NFIB: variants seen among roughly 807,000 people sequenced by gnomAD.
The protein encoded by NFIB is nuclear factor I B.
NFIB carries 11 observed loss-of-function variants against 61.5 expected under a neutral mutation model. That is an observed-to-expected ratio of 0.18 (90% CI 0.11 to 0.30). The LOEUF (loss-of-function observed/expected upper bound fraction) is 0.30. Ranked by LOEUF, NFIB falls within the 10% of genes least tolerant of loss-of-function variation. The pLI, the probability that NFIB is intolerant of heterozygous loss-of-function variation, is 1.00. For missense variants in NFIB, 471 were observed against 608.9 expected (o/e 0.77, Z 2.38); for synonymous variants, 260 against 216.5 (o/e 1.20, Z -1.76).
chr9:14,352,300 T>C (rs1052117448), intron 1 of NFIB, among the ~76,000 whole-genome samples: 6 of 151,824 alleles, frequency 4.0e-5, no homozygotes, highest in African/African-American at 1.5e-4. Context: ...ATAATAGATG[T>C]TATCATTATT....
At chr9:14,210,515 C>T (rs556754022) in intron 2 of NFIB, among the ~76,000 whole-genome samples, 20 of 151,834 alleles carry the variant, frequency 1.3e-4, no homozygotes, top group African/African-American at 2.9e-4. Flanking sequence ...GAAGAAAATA[C>T]GCTAAAATGT....
At chr9:14,246,778 A>G (rs1214034420) in intron 2 of NFIB, among the ~76,000 whole-genome samples, 1 of 152,216 alleles carries the variant, frequency 6.6e-6, no homozygotes, top group Non-Finnish European at 1.5e-5. Flanking sequence ...GAAAACCACT[A>G]ATATCACCCT....
At chr9:14,162,726 T>G (rs2044342683) in intron 3 of NFIB, among the ~76,000 whole-genome samples, 1 of 152,118 alleles carries the variant, frequency 6.6e-6, no homozygotes, top group Non-Finnish European at 1.5e-5. Flanking sequence ...CAGAGAAGAC[T>G]CTTAGATAAC....
At chr9:14,344,093 GGAGAGAGAGAGAGAAAGAGAGAGAGA>G (rs2060987573) in intron 1 of NFIB, among the ~76,000 whole-genome samples, 1 of 134,010 alleles carries the variant, frequency 7.5e-6, no homozygotes, top group African/African-American at 3.2e-5. Flanking sequence ...TTAAAGAGAG[GGAGAGAGAGAGAGAAAGAGAGAGAGA>G]GAGAGAGAGA....
the NFIB span, among the ~76,000 whole-genome samples, chr9:14,418,734 C>A: frequency 2.0e-5 from 3 of 152,122 alleles, no homozygotes; most frequent in Non-Finnish European, 2.9e-5. Context: ...CAATAAAATT[C>A]CCATATTACA....
rs779199624 is a variant in NFIB, at chr9:14,305,966, A to G, written c.562+1023T>C. The G allele has an allele frequency of 5.9e-6, 8 of 1,349,166 alleles. No individual in the cohort carries two copies. In the East Asian group the frequency reaches 2.1e-4, roughly 35 times the overall value. 83.6% of individuals were successfully genotyped at this position (1,349,166 alleles called of 1,614,324 possible). ...ATTGTTTTACTATGGATTGTTGGTA[A>G]TGCAAGGACATCTATATCTTGATGC... On this transcript the variant is annotated intron_variant, in intron 2 of 10. Transcript: ENST00000380953.
intron 3 of NFIB, among the ~76,000 whole-genome samples, chr9:14,161,930 C>A (rs2044248384): frequency 6.6e-6 from 1 of 152,112 alleles, no homozygotes; most frequent in Non-Finnish European, 1.5e-5. Context: ...ATCTCACAAT[C>A]CTGCTGCCAG....
intron 3 of NFIB, among the ~76,000 whole-genome samples, chr9:14,165,024 G>C (rs1158824849): frequency 1.3e-5 from 2 of 152,134 alleles, no homozygotes; most frequent in African/African-American, 4.8e-5. Flanking sequence ...CTCTACCCCA[G>C]ACCCTCAGAA....
intron 1 of NFIB, among the ~76,000 whole-genome samples, chr9:14,327,119 T>C (rs971304415): frequency 6.6e-6 from 1 of 151,998 alleles, no homozygotes; most frequent in African/African-American, 2.4e-5. Context: ...TTTTTAACCA[T>C]TTTCAAAAAA....
intron 2 of NFIB, among the ~76,000 whole-genome samples, chr9:14,181,644 C>G (rs2046790035): frequency 6.6e-6 from 1 of 152,178 alleles, no homozygotes; most frequent in South Asian, 2.1e-4. Context: ...CCTTGAGTTC[C>G]TCTGACAAAT....
intron 3 of NFIB, among the ~76,000 whole-genome samples, chr9:14,177,896 T>C (rs76293941): frequency 0.019 from 2,967 of 152,270 alleles, 71 homozygotes; most frequent in East Asian, 0.069. Context: ...TTGACAAATA[T>C]TGAAAAATTG....
intron 2 of NFIB, among the ~76,000 whole-genome samples, chr9:14,267,091 A>G (rs1011612876): frequency 6.6e-6 from 1 of 152,292 alleles, no homozygotes; most frequent in Admixed American, 6.5e-5. Flanking sequence ...CATAAGATGA[A>G]AAGAGGCATG....
chr9:14,410,844 T>C, the NFIB span, among the ~76,000 whole-genome samples: 17 of 152,176 alleles, frequency 1.1e-4, no homozygotes, highest in Admixed American at 7.9e-4. Flanking sequence ...AAATGATGAA[T>C]TTAAAATTCA....
the NFIB span, among the ~76,000 whole-genome samples, chr9:14,459,337 C>T: frequency 1.1e-4 from 17 of 152,278 alleles, no homozygotes; most frequent in African/African-American, 4.1e-4. Context: ...AAACTGGATC[C>T]CTTCCTTACA....
intron 2 of NFIB, among the ~76,000 whole-genome samples, chr9:14,287,604 T>C (rs559048835): frequency 1.3e-5 from 2 of 151,760 alleles, no homozygotes; most frequent in Non-Finnish European, 2.9e-5. Context: ...TTGTATTTTT[T>C]AGTAGAGACG....
At chr9:14,280,223 G>C (rs910283116) in intron 2 of NFIB, among the ~76,000 whole-genome samples, 2 of 152,138 alleles carry the variant, frequency 1.3e-5, no homozygotes, top group Non-Finnish European at 2.9e-5. Flanking sequence ...TCCAAAGGCT[G>C]ATTCCACCAC....
chr9:14,347,562 G>A (rs79636510), intron 1 of NFIB, among the ~76,000 whole-genome samples: 3 of 152,164 alleles, frequency 2.0e-5, no homozygotes, highest in African/African-American at 7.2e-5. Flanking sequence ...GGGTGTGGAG[G>A]GAGTGAGCTG....
intron 2 of NFIB, among the ~76,000 whole-genome samples, chr9:14,215,573 TA>T (rs1187712636): frequency 2.0e-5 from 3 of 152,170 alleles, no homozygotes; most frequent in Non-Finnish European, 4.4e-5. Context: ...AAAAGTCATT[TA>T]AAAAAACTAC....
At chr9:14,262,740 G>C (rs190899087) in intron 2 of NFIB, among the ~76,000 whole-genome samples, 1 of 152,108 alleles carries the variant, frequency 6.6e-6, no homozygotes, top group African/African-American at 2.4e-5. Flanking sequence ...ATGTTCATAC[G>C]CGTCAAGAGT....
Sources: allele counts gnomAD v4.1 joint callset (sites outside exome capture counted in the v4.1 genomes callset), GRCh38; gene constraint gnomAD v4.1.1; transcripts MANE v1.5; gene names NCBI Gene and HGNC (gene_info 2026-07-23, HGNC 2026-07-21).